The following NDST4 variants were observed in gnomAD, a reference collection of about 807,000 sequenced individuals.
NDST4 encodes N-heparan sulfate sulfotransferase 4.
In NDST4, 63 loss-of-function variants were observed where a neutral mutation model predicts 100.8. That is an observed-to-expected ratio of 0.62 (90% CI 0.51 to 0.77). The LOEUF is 0.77. Ranked by LOEUF, NDST4 falls within the 30% of genes least tolerant of loss-of-function variation. The pLI, the probability that NDST4 is intolerant of heterozygous loss-of-function variation, is 0.00. For synonymous variants in NDST4, 377 were observed against 361.8 expected (o/e 1.04, Z -0.48); for missense variants, 943 against 1,018.4 (o/e 0.93, Z 1.01).
Position 114,929,037 on chromosome 4 carries a change from TGTCTGTCC to T in NDST4, c.1536+6161_1536+6168del, listed in dbSNP as rs1470530557. Among the ~76,000 whole-genome samples, 526 of 131,308 alleles carry T rather than the reference TGTCTGTCC, an allele frequency of 4.0e-3. 6 individuals are homozygous for T. Among genetic ancestry groups the T allele is most frequent in the African/African-American group, 0.013 (485 of 37,302 alleles). The allele number at this position is 131,308 out of a possible 152,430, so 86.1% of individuals were successfully genotyped here. ...ATCCCTATCTATCTGTCTGTCTGTC[TGTCTGTCC>T]GTCCGTCCGTCCGTCCGTCCGTCCG... is the stretch of plus-strand genomic sequence containing the variant. On this transcript the variant is annotated intron_variant, in intron 6 of 13. Coordinates refer to ENST00000264363, the MANE Select transcript of NDST4 (RefSeq NM_022569.3).
At chr4:114,874,260 T>A (rs947061320) in intron 6 of NDST4, among the ~76,000 whole-genome samples, 1 of 152,144 alleles carries the variant, frequency 6.6e-6, no homozygotes, top group African/African-American at 2.4e-5. Flanking sequence ...TTTAAAAGAT[T>A]TTCGCAGCAG....
chr4:115,024,495 C>A (rs936325049), intron 2 of NDST4, among the ~76,000 whole-genome samples: 46 of 152,042 alleles, frequency 3.0e-4, no homozygotes, highest in Non-Finnish European at 5.3e-4. Context: ...CATCTTTTCT[C>A]ACCTATTTAT....
At chr4:114,883,181 G>C (rs1365135904) in intron 6 of NDST4, among the ~76,000 whole-genome samples, 1 of 151,790 alleles carries the variant, frequency 6.6e-6, no homozygotes, top group South Asian at 2.1e-4. Context: ...AATAAATAAA[G>C]GTAAAATTAA....
chr4:114,835,756 G>A (rs1471704381), intron 11 of NDST4, among the ~76,000 whole-genome samples: 2 of 152,160 alleles, frequency 1.3e-5, no homozygotes, highest in Admixed American at 1.3e-4. Context: ...AAGTCTCTTT[G>A]TAGGTGTTTA....
At chr4:115,054,064 G>A (rs554036591) in intron 2 of NDST4, among the ~76,000 whole-genome samples, 12 of 151,936 alleles carry the variant, frequency 7.9e-5, no homozygotes, top group African/African-American at 2.9e-4. Flanking sequence ...GATGTCCTTC[G>A]AAGGAAGAAA....
At chr4:114,845,330 T>A (rs1723521059) in intron 10 of NDST4, among the ~76,000 whole-genome samples, 1 of 152,150 alleles carries the variant, frequency 6.6e-6, no homozygotes, top group African/African-American at 2.4e-5. Context: ...AGACCTGGTC[T>A]CCAATTGGGT....
chr4:115,101,223 T>C (rs1729722497), intron 1 of NDST4, among the ~76,000 whole-genome samples: 1 of 152,062 alleles, frequency 6.6e-6, no homozygotes, highest in Non-Finnish European at 1.5e-5. Context: ...TAAGGCATGA[T>C]AAGTGTAATA....
intron 2 of NDST4, among the ~76,000 whole-genome samples, chr4:115,049,765 T>G (rs190572682): frequency 4.6e-5 from 7 of 152,064 alleles, no homozygotes; most frequent in African/African-American, 1.7e-4. Flanking sequence ...GTTGTTGGAG[T>G]TGGGGTATTG....
At chr4:114,941,166 T>C (rs1725741980) in intron 4 of NDST4, among the ~76,000 whole-genome samples, 1 of 152,220 alleles carries the variant, frequency 6.6e-6, no homozygotes, top group South Asian at 2.1e-4. Flanking sequence ...CTCATAATCA[T>C]TCTGTGAGGA....
intron 2 of NDST4, among the ~76,000 whole-genome samples, chr4:115,040,072 T>C (rs1312696574): frequency 2.0e-5 from 3 of 151,834 alleles, no homozygotes; most frequent in Non-Finnish European, 4.4e-5. Context: ...TATTGATTTA[T>C]TATTTATAGT....
At chr4:114,967,844 G>A (rs897785231) in intron 4 of NDST4, among the ~76,000 whole-genome samples, 1 of 152,028 alleles carries the variant, frequency 6.6e-6, no homozygotes, top group Non-Finnish European at 1.5e-5. Context: ...TCTGTATTTA[G>A]AAAGGTCATA....
chr4:114,853,824 T>C (rs1221981546), intron 7 of NDST4, among the ~76,000 whole-genome samples: 1 of 152,172 alleles, frequency 6.6e-6, no homozygotes, highest in African/African-American at 2.4e-5. Flanking sequence ...AATTTTTTAA[T>C]TTTTAATTTT....
intron 2 of NDST4, among the ~76,000 whole-genome samples, chr4:115,003,218 C>T (rs1366437239): frequency 6.6e-6 from 1 of 152,084 alleles, no homozygotes; most frequent in East Asian, 1.9e-4. Context: ...GCACGTTCTG[C>T]ATATGTATCC....
At chr4:115,102,239 G>T (rs944082417) in intron 1 of NDST4, among the ~76,000 whole-genome samples, 2 of 152,070 alleles carry the variant, frequency 1.3e-5, no homozygotes, top group Non-Finnish European at 1.5e-5. Flanking sequence ...AGTTATCCAT[G>T]AAACATAAAA....
chr4:114,918,300 T>C lies in NDST4; in HGVS notation c.1536+16906A>G, dbSNP rs534666504. Among the ~76,000 whole-genome samples, 20 of 149,794 alleles carry C rather than the reference T, an allele frequency of 1.3e-4. No individual in the cohort carries two copies. The South Asian group carries it at 3.8e-3, about 28-fold the overall frequency. The stretch of plus-strand genomic sequence containing the variant: ...TGGGTGAAGGAGCAATCATGTACTG[T>C]GTTCTCAGAAAGATGTTGTAAAAGT... On this transcript the variant is annotated intron_variant, in intron 6 of 13. Coordinates refer to ENST00000264363, the MANE Select transcript of NDST4 (RefSeq NM_022569.3).
intron 8 of NDST4, among the ~76,000 whole-genome samples, chr4:114,849,070 T>C (rs539003501): frequency 1.1e-4 from 16 of 152,302 alleles, no homozygotes; most frequent in Admixed American, 5.2e-4. Flanking sequence ...GCAGGACTCT[T>C]GAAAGATGGC....
At position 114,945,168 on chromosome 4, in the gene NDST4, A is replaced by G. The variant is rs933374949; in HGVS notation, c.1222-7665T>C. 3.2e-5 allele frequency among the ~76,000 whole-genome samples: 4 copies of G among 126,472 alleles called. No homozygotes were observed. In the East Asian group the frequency reaches 1.0e-3, roughly 33 times the overall value. 83.0% of individuals were successfully genotyped at this position (126,472 alleles called of 152,430 possible). On this transcript the variant is annotated intron_variant, in intron 4 of 13. Coordinates refer to ENST00000264363, the MANE Select transcript of NDST4 (RefSeq NM_022569.3). ...GGTTGTGGTGAGCCGAGATCATGCC[A>G]TTGCTCTCTAGCCTGGACAACTAGA...
intron 6 of NDST4, among the ~76,000 whole-genome samples, chr4:114,874,448 G>A (rs1187714332): frequency 1.3e-5 from 2 of 152,160 alleles, no homozygotes; most frequent in Non-Finnish European, 2.9e-5. Context: ...TTCCTTTACT[G>A]AGAATAAAAA....
chr4:114,882,633 A>G (rs949733686), intron 6 of NDST4, among the ~76,000 whole-genome samples: 1 of 152,128 alleles, frequency 6.6e-6, no homozygotes, highest in African/African-American at 2.4e-5. Context: ...CTGAGGGGCA[A>G]TATCAAAAGT....
Sources: gnomAD v4.1 joint callset for allele counts (sites outside exome capture counted in the v4.1 genomes callset) on GRCh38, gnomAD v4.1.1 for gene constraint, MANE v1.5 for transcripts, NCBI Gene and HGNC (gene_info 2026-07-23, HGNC 2026-07-21) for gene names.